PADI6: variants seen among roughly 807,000 people sequenced by gnomAD.
PADI6 encodes peptidyl arginine deiminase 6.
In PADI6, 66 loss-of-function variants were observed where a neutral mutation model predicts 78.2. That is an observed-to-expected ratio of 0.84 (90% CI 0.69 to 1.04). PADI6 has a LOEUF of 1.04. Ranked by LOEUF, PADI6 falls within the 50% of genes least tolerant of loss-of-function variation. The pLI, the probability that PADI6 is intolerant of heterozygous loss-of-function variation, is 0.00. For missense variants in PADI6, 854 were observed against 866.1 expected (o/e 0.99, Z 0.18); for synonymous variants, 397 against 346.9 (o/e 1.14, Z -1.60).
chr1:17,399,260 T>C (rs2075277496), intron 15 of PADI6, among the ~76,000 whole-genome samples: 1 of 152,124 alleles, frequency 6.6e-6, no homozygotes, highest in South Asian at 2.1e-4. Flanking sequence ...ATCTCCAGGG[T>C]CCAGGGCAGC....
rs370954352 is a variant in PADI6 at position 17,395,158 on chromosome 1, G to A, written c.1494+51G>A. ...ACATCTGACCCTTGCCTTCTGTTGGGGAATCTTGGAAGATTCTGGAGAGAA... is the reference window on the plus strand; with the variant it reads ...ACATCTGACCCTTGCCTTCTGTTGGAGAATCTTGGAAGATTCTGGAGAGAA... On this transcript the variant is annotated intron_variant, in intron 12 of 15. Transcript: ENST00000619609. The A allele has an allele frequency of 5.4e-4, 837 of 1,553,478 alleles. 9 individuals are homozygous for A. The South Asian group carries it at 9.3e-3, about 17-fold the overall frequency.
In PADI6 at chr1:17,395,653, C is replaced by T. The variant is rs748965029; in HGVS notation, c.1608C>T (p.Leu536=). ...TTGATGAGCTTAGAGCAGATCAGCT[C>T]CTGTCTAATGGTAAGGGAACTCCCT... ...LLFDELRADQ[L]LSNGREAKTI... The change falls in exon 13 of 16, where the codon CTC becomes CTT. Residue 536 remains leucine, a synonymous_variant. Coordinates refer to ENST00000619609, the MANE Select transcript of PADI6 (RefSeq NM_207421.4). 1 of 1,611,478 alleles carries T rather than the reference C, an allele frequency of 6.2e-7. No homozygotes were observed. Among genetic ancestry groups the T allele is most frequent in the Non-Finnish European group, 8.5e-7 (1 of 1,178,950 alleles).
At chr1:17,400,369 T>A (rs2075288958) in intron 15 of PADI6, among the ~76,000 whole-genome samples, 1 of 151,994 alleles carries the variant, frequency 6.6e-6, no homozygotes, top group Non-Finnish European at 1.5e-5. Flanking sequence ...TAGCCAGGTG[T>A]AGTGGTGCAT....
At chr1:17,380,819 G>T (rs760036573) in intron 4 of PADI6, among the ~76,000 whole-genome samples, 55 of 152,088 alleles carry the variant, frequency 3.6e-4, no homozygotes, top group Non-Finnish European at 1.9e-4. Flanking sequence ...TCTGAAATAT[G>T]AGGTAAGTAA....
At chr1:17,384,134 C>T (rs2075098511) in intron 6 of PADI6, among the ~76,000 whole-genome samples, 1 of 151,150 alleles carries the variant, frequency 6.6e-6, no homozygotes, top group Admixed American at 6.6e-5. Context: ...CAGAGTGGGA[C>T]TCTGTCTCAA....
intron 6 of PADI6, among the ~76,000 whole-genome samples, chr1:17,384,177 A>G (rs542940324): frequency 1.3e-5 from 2 of 152,078 alleles, no homozygotes; most frequent in African/African-American, 2.4e-5. Context: ...GTAGGGCAAC[A>G]CAGCATGTTA....
Position 17,398,678 on chromosome 1 carries a change from A to ACCCCCCCCCCCCCCCCCC in PADI6, c.1690-5_1690-4insCCCCCCCCCCCCCCCCCC. ...CGCCCCCCCCCCCACCCACCCACCC[A>ACCCCCCCCCCCCCCCCCC]CCCACAGAAGTGCATTCACCTGAAC... On this transcript the variant is annotated splice_polypyrimidine_tract_variant and splice_region_variant and intron_variant, in intron 14 of 15. Coordinates refer to ENST00000619609, the MANE Select transcript of PADI6 (RefSeq NM_207421.4). 1 of 110,268 alleles carries ACCCCCCCCCCCCCCCCCC rather than the reference A, an allele frequency of 9.1e-6. No homozygotes were observed. Among genetic ancestry groups the ACCCCCCCCCCCCCCCCCC allele is most frequent in the Non-Finnish European group, 1.6e-5 (1 of 61,908 alleles). The allele number at this position is 110,268 out of a possible 1,614,324, so 6.8% of individuals were successfully genotyped here. A position where few individuals can be genotyped will look rare whatever the true frequency, so the allele number is the denominator to read the frequency against.
intron 8 of PADI6, among the ~76,000 whole-genome samples, chr1:17,391,632 G>A (rs1269500474): frequency 6.6e-6 from 1 of 152,154 alleles, no homozygotes; most frequent in Non-Finnish European, 1.5e-5. Flanking sequence ...AGACCCCAGG[G>A]CTCAAGACCC....
intron 1 of PADI6, 71 bp downstream of exon 1, chr1:17,372,432 A>G (rs1169042844): frequency 1.4e-6 from 2 of 1,407,878 alleles, no homozygotes; most frequent in Non-Finnish European, 2.0e-6. Flanking sequence ...AGTCCCCTTG[A>G]TCTGGGAGTT....
At chr1:17,380,150 G>A (rs1326387120) in intron 4 of PADI6, among the ~76,000 whole-genome samples, 163 bp downstream of exon 4, 1 of 152,194 alleles carries the variant, frequency 6.6e-6, no homozygotes, top group Non-Finnish European at 1.5e-5. Context: ...CACGGTACAA[G>A]TCAGAGCTGA....
chr1:17,400,898 G>A lies in PADI6; in HGVS notation c.1852-307G>A, dbSNP rs79156947. Among the ~76,000 whole-genome samples, 77 of 152,326 alleles carry A rather than the reference G, an allele frequency of 5.1e-4. No homozygotes were observed. The East Asian group carries it at 7.7e-3, about 15-fold the overall frequency. ...ATGCGCAGCAGTCAACTGACAAAGC[G>A]GGGGTGGGGAGAGTGTTTCAGTGGA... On this transcript the variant is annotated intron_variant, in intron 15 of 15. Transcript: ENST00000619609.
At chr1:17,373,265 TC>T in intron 2 of PADI6, 32 bp downstream of exon 2, 1 of 1,607,464 alleles carries the variant, frequency 6.2e-7, no homozygotes, top group Non-Finnish European at 8.5e-7. Flanking sequence ...GAGGGGCATC[TC>T]CCGGGGTGGG....
At chr1:17,394,539 A>G (rs1013883608) in intron 11 of PADI6, 85 bp downstream of exon 11, 9 of 1,419,342 alleles carry the variant, frequency 6.3e-6, no homozygotes, top group Non-Finnish European at 7.7e-6. Context: ...ATAGCACCTC[A>G]GCAGGTCACA....
chr1:17,374,875 A>G (rs2074999920), intron 2 of PADI6, among the ~76,000 whole-genome samples: 1 of 152,164 alleles, frequency 6.6e-6, no homozygotes, highest in Non-Finnish European at 1.5e-5. Context: ...GCTGGAGGGC[A>G]GGTCTCTTTC....
chr1:17,388,263 C>A, intron 6 of PADI6, 118 bp from the exon 7 acceptor site: 1 of 956,810 alleles, frequency 1.0e-6, no homozygotes, highest in Non-Finnish European at 1.5e-6. Context: ...TCAGCTCCAG[C>A]CCTCCTGGAA....
intron 3 of PADI6, among the ~76,000 whole-genome samples, chr1:17,378,844 A>G (rs1020059372): frequency 6.6e-6 from 1 of 151,950 alleles, no homozygotes; most frequent in Admixed American, 6.6e-5. Context: ...ACCTCAGGTG[A>G]TCTGCCTGCC....
intron 3 of PADI6, among the ~76,000 whole-genome samples, chr1:17,378,690 C>T (rs192142355): frequency 1.9e-4 from 29 of 152,026 alleles, no homozygotes; most frequent in Admixed American, 1.5e-3. Context: ...CTGCAATCTC[C>T]ACCTCCTGGG....
intron 3 of PADI6, among the ~76,000 whole-genome samples, chr1:17,375,985 C>A (rs78314090): frequency 6.7e-6 from 1 of 150,246 alleles, no homozygotes; most frequent in Admixed American, 6.6e-5. Flanking sequence ...CTTTTTTTTT[C>A]TTTTTTTTCT....
At chr1:17,379,842 C>T (rs1180640025) in intron 3 of PADI6, 78 bp from the exon 4 acceptor site, 1 of 1,326,134 alleles carries the variant, frequency 7.5e-7, no homozygotes, top group Middle Eastern at 1.9e-4. Flanking sequence ...TTGGGCAGCC[C>T]CACAGGAGAT....
Sources: gnomAD v4.1 joint callset for allele counts (sites outside exome capture counted in the v4.1 genomes callset) on GRCh38, gnomAD v4.1.1 for gene constraint, MANE v1.5 for transcripts, NCBI Gene and HGNC (gene_info 2026-07-23, HGNC 2026-07-21) for gene names.